The following MLXIP variants were observed in gnomAD, a reference collection of about 807,000 sequenced individuals.
MLXIP encodes the protein MLX interacting protein.
MLXIP carries 30 observed loss-of-function variants against 87.2 expected under a neutral mutation model. The observed-to-expected ratio is 0.34, with a 90% CI of 0.26 to 0.47. The LOEUF (loss-of-function observed/expected upper bound fraction) is 0.47. Ranked by LOEUF, MLXIP falls within the 20% of genes least tolerant of loss-of-function variation. The pLI, the probability that MLXIP is intolerant of heterozygous loss-of-function variation, is 1.00. For missense variants in MLXIP, 1,002 were observed against 1,240.1 expected (o/e 0.81, Z 2.88); for synonymous variants, 530 against 514.0 (o/e 1.03, Z -0.42).
At chr12:122,122,540 T>G (rs1342467539) in intron 1 of MLXIP, among the ~76,000 whole-genome samples, 1 of 151,962 alleles carries the variant, frequency 6.6e-6, no homozygotes, top group Non-Finnish European at 1.5e-5. Flanking sequence ...CTTTTTTCTT[T>G]TTCTTTTTCT....
intron 1 of MLXIP, among the ~76,000 whole-genome samples, chr12:122,119,509 A>G (rs1455395334): frequency 6.6e-6 from 1 of 152,074 alleles, no homozygotes; most frequent in Admixed American, 6.6e-5. Context: ...CTCCTGCCGC[A>G]GCCTCCCAAA....
chr12:122,134,288 G>A (rs996665001), intron 9 of MLXIP: 4 of 389,962 alleles, frequency 1.0e-5, no homozygotes, highest in East Asian at 4.7e-5. Flanking sequence ...GCCCCCTCCC[G>A]GGTTCAAGCG....
At chr12:122,130,248 G>A in intron 6 of MLXIP, 136 bp downstream of exon 6, 1 of 922,076 alleles carries the variant, frequency 1.1e-6, no homozygotes, top group South Asian at 1.7e-5. Context: ...GTAAGGAAGG[G>A]AAGGATGGCT....
chr12:122,104,791 A>C (rs1376878347), intron 1 of MLXIP, among the ~76,000 whole-genome samples: 1 of 152,034 alleles, frequency 6.6e-6, no homozygotes, highest in Non-Finnish European at 1.5e-5. Flanking sequence ...CACTTTAGCC[A>C]GGATGGTCTT....
intron 3 of MLXIP, chr12:122,128,191 G>A (rs1250900669): frequency 3.8e-6 from 2 of 527,314 alleles, no homozygotes; most frequent in Non-Finnish European, 6.9e-6. Context: ...AGGGACTGAG[G>A]GGGTTAATAT....
chr12:122,097,251 G>C (rs1952367727), intron 1 of MLXIP, among the ~76,000 whole-genome samples: 1 of 152,078 alleles, frequency 6.6e-6, no homozygotes, highest in Non-Finnish European at 1.5e-5. Flanking sequence ...CTGCAGCGTT[G>C]AACCCCTGTG....
chr12:122,099,669 C>CAG (rs2135924140), intron 1 of MLXIP, among the ~76,000 whole-genome samples: 1 of 152,378 alleles, frequency 6.6e-6, no homozygotes, highest in African/African-American at 2.4e-5. Context: ...GGGGGAGGAG[C>CAG]AGAGCCTCAG....
intron 1 of MLXIP, among the ~76,000 whole-genome samples, chr12:122,107,141 T>G (rs1281729081): frequency 1.3e-5 from 2 of 152,156 alleles, no homozygotes; most frequent in Non-Finnish European, 2.9e-5. Flanking sequence ...GGGTCACTGC[T>G]GTGAAGTGTG....
intron 1 of MLXIP, among the ~76,000 whole-genome samples, chr12:122,090,370 G>A (rs1462513343): frequency 6.6e-6 from 1 of 152,144 alleles, no homozygotes; most frequent in East Asian, 1.9e-4. Flanking sequence ...GGTGGCACAT[G>A]CCTGTAATCC....
chr12:122,101,184 T>C (rs1952430358), intron 1 of MLXIP, among the ~76,000 whole-genome samples: 3 of 152,226 alleles, frequency 2.0e-5, no homozygotes, highest in Admixed American at 2.0e-4. Flanking sequence ...GAAATCATTC[T>C]GTGGAGGTTC....
chr12:122,110,874 G>A (rs1565970511), intron 1 of MLXIP, among the ~76,000 whole-genome samples: 3 of 151,908 alleles, frequency 2.0e-5, no homozygotes, highest in East Asian at 1.9e-4. Flanking sequence ...TCAGGAGATC[G>A]AGACCATCCT....
At chr12:122,104,292 C>T (rs552873304) in intron 1 of MLXIP, among the ~76,000 whole-genome samples, 6 of 152,322 alleles carry the variant, frequency 3.9e-5, no homozygotes, top group South Asian at 2.1e-4. Flanking sequence ...GGTTCCCTCG[C>T]GCCCTTCCCA....
At chr12:122,117,452 G>A (rs1358854971) in intron 1 of MLXIP, among the ~76,000 whole-genome samples, 1 of 152,220 alleles carries the variant, frequency 6.6e-6, no homozygotes, top group Non-Finnish European at 1.5e-5. Context: ...CACATCCCAG[G>A]ACTAGCCGAT....
In MLXIP at chr12:122,078,860, G is replaced by A; in HGVS notation, c.7G>A (p.Ala3Thr). Reference protein sequence around the residue: MAADVFMCSPRRP... With the variant: MATDVFMCSPRRP... ...CCCCGGCCGAGCCCTTCTCATGGCC[G>A]CCGACGTCTTCATGTGCTCCCCGCG... Residue 3 changes from alanine to threonine, a missense_variant, in exon 1 of 17, where the codon GCC (alanine) becomes ACC (threonine). Transcript: ENST00000319080. The A allele has an allele frequency of 2.7e-6, 3 of 1,092,488 alleles. No individual in the cohort carries two copies. Among genetic ancestry groups the A allele is most frequent in the Non-Finnish European group, 2.2e-6 (2 of 897,628 alleles). 67.7% of individuals were successfully genotyped at this position (1,092,488 alleles called of 1,614,324 possible).
At chr12:122,130,329 G>T in intron 6 of MLXIP, among the ~76,000 whole-genome samples, 1 of 152,112 alleles carries the variant, frequency 6.6e-6, no homozygotes, top group East Asian at 1.9e-4. Flanking sequence ...CTGGGCAGCT[G>T]CCATTCCCGT....
At chr12:122,082,930 C>G (rs1359734035) in intron 1 of MLXIP, among the ~76,000 whole-genome samples, 4 of 152,232 alleles carry the variant, frequency 2.6e-5, no homozygotes, top group African/African-American at 9.6e-5. Flanking sequence ...AAGCAGTCCT[C>G]TTGTCTCAGC....
rs371788361 is a variant in MLXIP, at chr12:122,138,893, C to G, written c.2463C>G (p.Asp821Glu). 6.2e-7 allele frequency: 1 copy of G among 1,614,062 alleles called. No homozygotes were observed. Among genetic ancestry groups the G allele is most frequent in the Non-Finnish European group, 8.5e-7 (1 of 1,179,900 alleles). The change falls in exon 15 of 17, where the codon GAC becomes GAG. Residue 821 changes from aspartate to glutamate, a missense_variant. Around this residue, in one of 3 missense-constraint regions of MLXIP, gnomAD observed 746 missense variants for 897.0 expected, o/e 0.83. Coordinates refer to ENST00000319080, the MANE Select transcript of MLXIP (RefSeq NM_014938.6). ...TTGATCACATGAAAGACATGTTTGA[C>G]GAATACGTGAAAACCCGGACCTTGC... ...RQFDHMKDMF[D>E]EYVKTRTLQN...
At chr12:122,105,917 C>T (rs892787502) in intron 1 of MLXIP, among the ~76,000 whole-genome samples, 1 of 151,984 alleles carries the variant, frequency 6.6e-6, no homozygotes, top group Admixed American at 6.6e-5. Flanking sequence ...ATTCTGTCAT[C>T]GTTTTGGACT....
intron 1 of MLXIP, among the ~76,000 whole-genome samples, chr12:122,109,296 T>C (rs1360759283): frequency 6.6e-6 from 1 of 152,250 alleles, no homozygotes; most frequent in African/African-American, 2.4e-5. Context: ...CTTGAACTCC[T>C]GACCTGAAGT....
Sources: allele counts gnomAD v4.1 joint callset (sites outside exome capture counted in the v4.1 genomes callset), GRCh38; gene constraint gnomAD v4.1.1; regional missense constraint gnomAD v4.1.1; transcripts MANE v1.5; gene names NCBI Gene and HGNC (gene_info 2026-07-23, HGNC 2026-07-21).